The following XKR4 variants were observed in gnomAD, a reference collection of about 807,000 sequenced individuals.
XKR4 encodes XK related 4.
XKR4 carries 12 observed loss-of-function variants against 53.9 expected under a neutral mutation model. The ratio of observed to expected loss-of-function variants is 0.22; its 90% CI spans 0.14 to 0.36. XKR4 has a LOEUF of 0.36. Ranked by LOEUF, XKR4 falls within the 10% of genes least tolerant of loss-of-function variation. The probability of loss-of-function intolerance (pLI) is 1.00; values close to 1 mark genes in which losing one functional copy is unlikely to be tolerated. For synonymous variants in XKR4, 354 were observed against 362.4 expected, an observed-to-expected ratio of 0.98 and a Z score of 0.26; for missense variants, 799 against 859.5, an observed-to-expected ratio of 0.93 and a Z score of 0.88.
chr8:55,154,345 G>A lies in XKR4; in HGVS notation c.806+51051G>A, dbSNP rs16921285. On this transcript the variant is annotated intron_variant, in intron 1 of 2. Coordinates refer to ENST00000327381, the MANE Select transcript of XKR4 (RefSeq NM_052898.2). Reference sequence around the variant, plus strand: ...AAGCTGTTTGAAAAAGGCTCACATCGTTCTTGTGTTGTGATGCTTTCCATA... The same window carrying A: ...AAGCTGTTTGAAAAAGGCTCACATCATTCTTGTGTTGTGATGCTTTCCATA... Among the ~76,000 whole-genome samples, 1,073 of 152,220 alleles carry A rather than the reference G, an allele frequency of 7.0e-3. 13 individuals are homozygous for A. The highest frequency in any genetic ancestry group is 0.022 in the African/African-American group (912 of 41,520).
intron 1 of XKR4, among the ~76,000 whole-genome samples, chr8:55,123,513 C>T (rs1266737725): frequency 2.6e-5 from 4 of 152,326 alleles, no homozygotes; most frequent in African/African-American, 9.6e-5. Flanking sequence ...ATCTCAGAAC[C>T]CTTCAGTCCA....
At chr8:55,173,007 G>A (rs1007440260) in intron 1 of XKR4, among the ~76,000 whole-genome samples, 1 of 152,180 alleles carries the variant, frequency 6.6e-6, no homozygotes, top group African/African-American at 2.4e-5. Flanking sequence ...AGTGTTGCTT[G>A]CACACAAATT....
rs1030101256 is a variant in XKR4 at position 55,525,080 on chromosome 8, G to A, written c.*853G>A. 6.6e-6 allele frequency: 1 copy of A among 152,608 alleles called. No individual in the cohort carries two copies. The highest frequency in any genetic ancestry group is 1.5e-5 in the Non-Finnish European group (1 of 68,046). The allele number at this position is 152,608 out of a possible 1,614,324, so 9.5% of individuals were successfully genotyped here. On this transcript the variant is annotated 3_prime_UTR_variant, in exon 3 of 3. Transcript: ENST00000327381. ...GAGGAAGTGGGGAAAAAGGCAAAAT[G>A]AGAGTCTGATTCCCAGGCATGTGCA...
At position 55,529,585 on chromosome 8, in the gene XKR4, T is replaced by G. The variant is rs1280371827; in HGVS notation, c.*5358T>G. Reference sequence around the variant, plus strand: ...AGCATCATTTACAGATGACAAAATCTGTAAATGGCTTAGAGATGTCAAGCA... The same window carrying G: ...AGCATCATTTACAGATGACAAAATCGGTAAATGGCTTAGAGATGTCAAGCA... On this transcript the variant is annotated 3_prime_UTR_variant, in exon 3 of 3. Coordinates refer to ENST00000327381, the MANE Select transcript of XKR4 (RefSeq NM_052898.2). 6.6e-6 allele frequency: 1 copy of G among 152,166 alleles called. No individual in the cohort carries two copies. Among genetic ancestry groups the G allele is most frequent in the Non-Finnish European group, 1.5e-5 (1 of 68,024 alleles). The allele number at this position is 152,166 out of a possible 1,614,324, so 9.4% of individuals were successfully genotyped here.
chr8:55,395,350 T>A (rs1804502108), intron 2 of XKR4, among the ~76,000 whole-genome samples: 2 of 151,702 alleles, frequency 1.3e-5, no homozygotes, highest in African/African-American at 4.8e-5. Context: ...AATGGACAGT[T>A]TGCAAGCAGA....
chr8:55,236,430 G>A (rs1401219484), intron 1 of XKR4, among the ~76,000 whole-genome samples: 1 of 152,180 alleles, frequency 6.6e-6, no homozygotes, highest in Non-Finnish European at 1.5e-5. Flanking sequence ...CAATCCAGGT[G>A]AGGCTGAGAC....
In XKR4 at chr8:55,526,558, AATTCTTCACTTTTGT is replaced by A. The variant is rs1319562248; in HGVS notation, c.*2332_*2346del. On this transcript the variant is annotated 3_prime_UTR_variant, in exon 3 of 3. Coordinates refer to ENST00000327381, the MANE Select transcript of XKR4 (RefSeq NM_052898.2). Reference sequence around the variant, plus strand: ...GGAGAAGGAAAAAACGATTTTGGCAAATTCTTCACTTTTGTGCAGAACCTTGAGTTATTAGCTTCA... The same window carrying A: ...GGAGAAGGAAAAAACGATTTTGGCAAGCAGAACCTTGAGTTATTAGCTTCA... The A allele has an allele frequency of 1.1e-4, 16 of 152,220 alleles. No individual in the cohort carries two copies. The highest frequency in any genetic ancestry group is 3.4e-4 in the African/African-American group (14 of 41,452). The allele number at this position is 152,220 out of a possible 1,614,324, so 9.4% of individuals were successfully genotyped here.
intron 1 of XKR4, among the ~76,000 whole-genome samples, chr8:55,231,082 G>A (rs1293712041): frequency 3.9e-5 from 6 of 152,082 alleles, no homozygotes; most frequent in African/African-American, 1.4e-4. Flanking sequence ...ACGTTAATGA[G>A]GTTTCTTCCG....
chr8:55,206,123 C>A (rs754043740), intron 1 of XKR4, among the ~76,000 whole-genome samples: 24 of 152,188 alleles, frequency 1.6e-4, no homozygotes, highest in Admixed American at 3.3e-4. Flanking sequence ...AAAGGCAGTG[C>A]GGACCCAAAG....
chr8:55,469,972 A>G (rs1217184083), intron 2 of XKR4, among the ~76,000 whole-genome samples: 1 of 152,080 alleles, frequency 6.6e-6, no homozygotes, highest in Non-Finnish European at 1.5e-5. Context: ...AGTCTTGGAG[A>G]AGGAATTACA....
At chr8:55,285,113 T>G (rs1462374199) in intron 1 of XKR4, among the ~76,000 whole-genome samples, 1 of 152,242 alleles carries the variant, frequency 6.6e-6, no homozygotes, top group East Asian at 1.9e-4. Flanking sequence ...GATCTTACAA[T>G]GGTTTGTAAG....
At chr8:55,505,083 G>A (rs547864880) in intron 2 of XKR4, among the ~76,000 whole-genome samples, 5 of 150,892 alleles carry the variant, frequency 3.3e-5, no homozygotes, top group South Asian at 2.1e-4. Flanking sequence ...TCCTTTCTCC[G>A]GCAAGCTTTG....
chr8:55,331,486 A>G (rs1315655765), intron 1 of XKR4, among the ~76,000 whole-genome samples: 1 of 152,082 alleles, frequency 6.6e-6, no homozygotes, highest in Non-Finnish European at 1.5e-5. Flanking sequence ...TATTGTTCAA[A>G]TCTTCTATTT....
At chr8:55,350,106 G>A (rs1803704997) in intron 1 of XKR4, among the ~76,000 whole-genome samples, 1 of 152,184 alleles carries the variant, frequency 6.6e-6, no homozygotes, top group South Asian at 2.1e-4. Flanking sequence ...AATATACAAT[G>A]AATGGATGTG....
At chr8:55,309,133 G>A (rs987249254) in intron 1 of XKR4, among the ~76,000 whole-genome samples, 1 of 152,176 alleles carries the variant, frequency 6.6e-6, no homozygotes, top group African/African-American at 2.4e-5. Flanking sequence ...TTTTCACCCA[G>A]TGACACCAAC....
chr8:55,155,182 G>A (rs10958445), intron 1 of XKR4, among the ~76,000 whole-genome samples: 49,518 of 151,882 alleles, frequency 0.33, 8,821 homozygotes, highest in African/African-American at 0.48. Context: ...ATAATGCTGC[G>A]CGCTGATCTC....
chr8:55,382,354 T>C (rs968633739), intron 2 of XKR4, among the ~76,000 whole-genome samples: 2 of 152,230 alleles, frequency 1.3e-5, no homozygotes, highest in African/African-American at 4.8e-5. Flanking sequence ...CAGTTGTGCA[T>C]ACATTCCAAA....
chr8:55,368,504 C>T (rs1804026263), intron 2 of XKR4, among the ~76,000 whole-genome samples: 1 of 152,158 alleles, frequency 6.6e-6, no homozygotes, highest in African/African-American at 2.4e-5. Context: ...TGCCCTTTCA[C>T]TCTCCCAGGT....
At chr8:55,125,282 G>C (rs534327488) in intron 1 of XKR4, among the ~76,000 whole-genome samples, 2 of 152,210 alleles carry the variant, frequency 1.3e-5, no homozygotes, top group South Asian at 2.1e-4. Context: ...CCAGGCTGGA[G>C]TGTAGTGACA....
Sources: allele counts gnomAD v4.1 joint callset (sites outside exome capture counted in the v4.1 genomes callset), GRCh38; gene constraint gnomAD v4.1.1; transcripts MANE v1.5; gene names NCBI Gene and HGNC (gene_info 2026-07-23, HGNC 2026-07-21).